GOLPH3L: variants seen among roughly 807,000 people sequenced by gnomAD.
GOLPH3L encodes Golgi phosphoprotein 3-like.
A neutral mutation model predicts 30.3 loss-of-function variants in GOLPH3L; 22 were observed. The observed-to-expected ratio is 0.73, with a 90% CI of 0.52 to 1.04. The LOEUF is 1.04. Among genes scored for constraint, GOLPH3L ranks in the 50% least tolerant of loss-of-function variants. The pLI is 0.00. For synonymous variants in GOLPH3L, 120 were observed against 128.2 expected, an observed-to-expected ratio of 0.94 and a Z score of 0.43; for missense variants, 303 against 345.8, an observed-to-expected ratio of 0.88 and a Z score of 0.98.
At chr1:150,686,063 T>C (rs1651080118) in intron 2 of GOLPH3L, among the ~76,000 whole-genome samples, 1 of 151,938 alleles carries the variant, frequency 6.6e-6, no homozygotes, top group Admixed American at 6.6e-5. Context: ...TTAGTAAAGA[T>C]GGGGTTTTAC....
At chr1:150,670,545 C>G (rs369276837) in intron 2 of GOLPH3L, among the ~76,000 whole-genome samples, 1 of 147,530 alleles carries the variant, frequency 6.8e-6, no homozygotes, top group Non-Finnish European at 1.5e-5. Context: ...TGCAGTGAGC[C>G]GAGATTGTGC....
intron 2 of GOLPH3L, among the ~76,000 whole-genome samples, chr1:150,693,840 T>TATAC (rs1557791442): frequency 2.5e-4 from 20 of 79,184 alleles, no homozygotes; most frequent in African/African-American, 6.0e-4. Flanking sequence ...TATATATATA[T>TATAC]ATATATATTT....
chr1:150,654,102 A>G (rs1650187403), intron 4 of GOLPH3L, among the ~76,000 whole-genome samples: 1 of 152,144 alleles, frequency 6.6e-6, no homozygotes, highest in Non-Finnish European at 1.5e-5. Flanking sequence ...AAAAAAATGG[A>G]TAAAGACAGG....
chr1:150,665,768 C>G (rs1461560909), intron 2 of GOLPH3L, among the ~76,000 whole-genome samples: 4 of 152,084 alleles, frequency 2.6e-5, no homozygotes, highest in African/African-American at 9.7e-5. Context: ...TTTCTTTGCT[C>G]ACCGTTCCTT....
rs898687216 is a variant in GOLPH3L at position 150,647,368 on chromosome 1, C to A, written c.*953G>T. ...AAAAAGCTGAGTATGGTGGCACGTG[C>A]CTGTAGTCCCACTTAGTTGGGAGAC... On this transcript the variant is annotated 3_prime_UTR_variant, in exon 5 of 5. Coordinates refer to ENST00000271732, the MANE Select transcript of GOLPH3L (RefSeq NM_018178.6). 6.6e-6 allele frequency: 1 copy of A among 152,318 alleles called. No homozygotes were observed. The highest frequency in any genetic ancestry group is 2.4e-5 in the African/African-American group (1 of 41,400). 9.4% of individuals were successfully genotyped at this position (152,318 alleles called of 1,614,324 possible). A position where few individuals can be genotyped will look rare whatever the true frequency, so the allele number is the denominator to read the frequency against.
At chr1:150,672,018 A>G (rs1316712721) in intron 2 of GOLPH3L, among the ~76,000 whole-genome samples, 2 of 152,140 alleles carry the variant, frequency 1.3e-5, no homozygotes, top group African/African-American at 2.4e-5. Flanking sequence ...AACCTTTCCA[A>G]ATTATCTACA....
Position 150,647,493 on chromosome 1 carries a change from A to T in GOLPH3L, c.*828T>A, listed in dbSNP as rs1459602343. On this transcript the variant is annotated 3_prime_UTR_variant, in exon 5 of 5. Coordinates refer to ENST00000271732, the MANE Select transcript of GOLPH3L (RefSeq NM_018178.6). ...GGGCAAGAGCAAGACCCTGTCTCAA[A>T]AGAAAAAAAAAAAAAAAGTGGCCTG... 6.5e-6 allele frequency: 1 copy of T among 152,780 alleles called. No individual in the cohort carries two copies. Among genetic ancestry groups the T allele is most frequent in the African/African-American group, 2.4e-5 (1 of 41,402 alleles). The allele number at this position is 152,780 out of a possible 1,614,324, so 9.5% of individuals were successfully genotyped here.
At chr1:150,692,171 C>T (rs949061149) in intron 2 of GOLPH3L, among the ~76,000 whole-genome samples, 5 of 152,038 alleles carry the variant, frequency 3.3e-5, no homozygotes, top group African/African-American at 9.6e-5. Context: ...AAAATAAGTA[C>T]AGTTGGGAAT....
chr1:150,672,577 C>A (rs200638160), intron 2 of GOLPH3L, among the ~76,000 whole-genome samples: 1 of 152,092 alleles, frequency 6.6e-6, no homozygotes, highest in African/African-American at 2.4e-5. Flanking sequence ...ATTACAGGGG[C>A]CTGCCACCAC....
intron 2 of GOLPH3L, among the ~76,000 whole-genome samples, chr1:150,672,379 C>T (rs114727794): frequency 3.0e-4 from 45 of 152,202 alleles, no homozygotes; most frequent in African/African-American, 9.9e-4. Flanking sequence ...TGTGATTCAT[C>T]GAAACTCCAA....
At chr1:150,661,082 G>C (rs1158343491) in intron 4 of GOLPH3L, among the ~76,000 whole-genome samples, 1 of 152,148 alleles carries the variant, frequency 6.6e-6, no homozygotes. Context: ...ACAAAAATTA[G>C]CCAGGCGTGG....
intron 2 of GOLPH3L, among the ~76,000 whole-genome samples, chr1:150,669,839 G>A (rs1650601391): frequency 6.6e-6 from 1 of 151,810 alleles, no homozygotes; most frequent in Non-Finnish European, 1.5e-5. Context: ...GCACGTGCCT[G>A]TAATCCCAGC....
intron 2 of GOLPH3L, among the ~76,000 whole-genome samples, chr1:150,693,945 C>T (rs1339822098): frequency 6.2e-5 from 9 of 144,628 alleles, no homozygotes; most frequent in East Asian, 6.2e-4. Context: ...TTGCAACCTC[C>T]GCCTCCCAGG....
chr1:150,693,746 A>T lies in GOLPH3L; in HGVS notation c.183+910T>A, dbSNP rs888839268. Among the ~76,000 whole-genome samples the T allele has an allele frequency of 5.4e-5, 8 of 148,822 alleles. No individual in the cohort carries two copies. The East Asian group carries it at 1.6e-3, about 29-fold the overall frequency. On this transcript the variant is annotated intron_variant, in intron 2 of 4. Coordinates refer to ENST00000271732, the MANE Select transcript of GOLPH3L (RefSeq NM_018178.6). Reference sequence around the variant, plus strand: ...TTTAGGGAAAAAAGAGAAAAGCTAAAATTATTTTTAAAAATTTTCAAAAAT... The same window carrying T: ...TTTAGGGAAAAAAGAGAAAAGCTAATATTATTTTTAAAAATTTTCAAAAAT...
At chr1:150,673,923 C>T in intron 2 of GOLPH3L, among the ~76,000 whole-genome samples, 1 of 120,538 alleles carries the variant, frequency 8.3e-6, no homozygotes, top group African/African-American at 2.8e-5. Flanking sequence ...AGACTCCCAT[C>T]TCCAAAAAAA....
At chr1:150,650,219 T>G (rs915264926) in intron 4 of GOLPH3L, among the ~76,000 whole-genome samples, 1 of 152,164 alleles carries the variant, frequency 6.6e-6, no homozygotes, top group Non-Finnish European at 1.5e-5. Flanking sequence ...CTAAAAGGTC[T>G]TAAGCACAAC....
At chr1:150,648,852 T>A (rs938554748) in intron 4 of GOLPH3L, 104 bp from the exon 5 acceptor site, 4 of 701,002 alleles carry the variant, frequency 5.7e-6, no homozygotes, top group African/African-American at 5.3e-5. Context: ...AAAAGCATAA[T>A]CTTCATTCCT....
At chr1:150,655,997 C>T (rs6661986) in intron 4 of GOLPH3L, among the ~76,000 whole-genome samples, 57,395 of 152,112 alleles carry the variant, frequency 0.38, 11,104 homozygotes, top group South Asian at 0.54. Flanking sequence ...GCCTGCTAAG[C>T]GTTTTCACTG....
At chr1:150,677,390 C>A (rs2101806065) in intron 2 of GOLPH3L, among the ~76,000 whole-genome samples, 1 of 152,118 alleles carries the variant, frequency 6.6e-6, no homozygotes, top group African/African-American at 2.4e-5. Flanking sequence ...GCGTATGTCA[C>A]CGTGCCTGGC....
Sources: gnomAD v4.1 joint callset for allele counts (sites outside exome capture counted in the v4.1 genomes callset) on GRCh38, gnomAD v4.1.1 for gene constraint, MANE v1.5 for transcripts, NCBI Gene and HGNC (gene_info 2026-07-23, HGNC 2026-07-21) for gene names.